ERG: variants seen among roughly 807,000 people sequenced by gnomAD.
ERG encodes the protein transcriptional regulator ERG.
A neutral mutation model predicts 55.3 loss-of-function variants in ERG; 9 were observed. The observed-to-expected ratio is 0.16, with a 90% CI of 0.10 to 0.28. ERG has a LOEUF of 0.28. ERG is among the 10% of genes least tolerant of loss of function. ERG has a pLI of 1.00. For missense variants in ERG, 434 were observed against 631.6 expected (o/e 0.69, Z 3.35); for synonymous variants, 223 against 237.3 (o/e 0.94, Z 0.55).
chr21:38,412,460 T>C (rs941847924), intron 3 of ERG, among the ~76,000 whole-genome samples: 1 of 152,170 alleles, frequency 6.6e-6, no homozygotes, highest in African/African-American at 2.4e-5. Context: ...TTCCCTCATA[T>C]TTTTACTCCA....
chr21:38,394,754 C>A (rs1988130579), intron 6 of ERG, among the ~76,000 whole-genome samples: 1 of 152,176 alleles, frequency 6.6e-6, no homozygotes, highest in Non-Finnish European at 1.5e-5. Flanking sequence ...TCTGTTCCTG[C>A]AGATGATTTC....
At chr21:38,524,441 A>G (rs1278779404) in intron 2 of ERG, among the ~76,000 whole-genome samples, 1 of 152,160 alleles carries the variant, frequency 6.6e-6, no homozygotes, top group African/African-American at 2.4e-5. Context: ...ATCTTTTCGG[A>G]CTATTAGTCA....
chr21:38,550,854 G>A (rs550116037), intron 2 of ERG, among the ~76,000 whole-genome samples: 168 of 152,264 alleles, frequency 1.1e-3, no homozygotes, highest in Non-Finnish European at 1.9e-3. Context: ...AAAACATAAG[G>A]CAGATAAATC....
At chr21:38,463,702 A>T (rs929148058) in intron 1 of ERG, among the ~76,000 whole-genome samples, 2 of 152,222 alleles carry the variant, frequency 1.3e-5, no homozygotes, top group East Asian at 1.9e-4. Context: ...AAGGAAAAGC[A>T]TAGAAGTGGG....
At chr21:38,554,200 A>G (rs2059843649) in intron 2 of ERG, among the ~76,000 whole-genome samples, 2 of 152,188 alleles carry the variant, frequency 1.3e-5, no homozygotes, top group African/African-American at 4.8e-5. Context: ...GTGAGGCTGC[A>G]GAGAAAAAGG....
At chr21:38,610,890 A>G (rs933840959) in intron 1 of ERG, among the ~76,000 whole-genome samples, 1 of 152,238 alleles carries the variant, frequency 6.6e-6, no homozygotes, top group African/African-American at 2.4e-5. Flanking sequence ...GGGGAGATTG[A>G]AAAAGAGGAA....
At chr21:38,411,667 A>G (rs1416490660) in intron 3 of ERG, among the ~76,000 whole-genome samples, 1 of 152,198 alleles carries the variant, frequency 6.6e-6, no homozygotes, top group Non-Finnish European at 1.5e-5. Flanking sequence ...GTGCATGGTC[A>G]GTTTTTATAA....
intron 1 of ERG, among the ~76,000 whole-genome samples, chr21:38,613,019 G>T (rs1568949730): frequency 6.6e-6 from 1 of 151,132 alleles, no homozygotes; most frequent in Non-Finnish European, 1.5e-5. Flanking sequence ...ATCTGTAGAT[G>T]TATATTACTA....
At chr21:38,371,093 T>G in the ERG span, among the ~76,000 whole-genome samples, 1 of 152,102 alleles carries the variant, frequency 6.6e-6, no homozygotes, top group Non-Finnish European at 1.5e-5. Flanking sequence ...TGTTTTTAAA[T>G]GAAGGTTTAT....
At chr21:38,619,982 G>T (rs958945891) in intron 1 of ERG, among the ~76,000 whole-genome samples, 2 of 152,188 alleles carry the variant, frequency 1.3e-5, no homozygotes, top group East Asian at 3.8e-4. Context: ...ATTCAGACTC[G>T]AAATGCTTTG....
chr21:38,596,832 G>A (rs372959483), intron 1 of ERG, among the ~76,000 whole-genome samples: 2 of 152,292 alleles, frequency 1.3e-5, no homozygotes, highest in South Asian at 2.1e-4. Context: ...TCCCAGGAGA[G>A]GTTCCCCACA....
the ERG span, among the ~76,000 whole-genome samples, chr21:38,369,189 C>A: frequency 1.3e-5 from 2 of 152,184 alleles, no homozygotes; most frequent in Admixed American, 6.5e-5. Context: ...GAGGAATCAC[C>A]ACCCTGTCTT....
intron 1 of ERG, among the ~76,000 whole-genome samples, chr21:38,478,091 G>C (rs2059205580): frequency 6.6e-6 from 1 of 152,202 alleles, no homozygotes; most frequent in Non-Finnish European, 1.5e-5. Context: ...ACGAGGCTGA[G>C]CCTATCTCAC....
chr21:38,574,123 A>G (rs908193329), intron 2 of ERG, among the ~76,000 whole-genome samples: 13 of 152,128 alleles, frequency 8.5e-5, no homozygotes, highest in Admixed American at 3.3e-4. Flanking sequence ...GTCCCTCACA[A>G]TCTGAACTAT....
intron 2 of ERG, among the ~76,000 whole-genome samples, chr21:38,570,648 G>A (rs1456532377): frequency 6.6e-6 from 1 of 152,190 alleles, no homozygotes; most frequent in Non-Finnish European, 1.5e-5. Flanking sequence ...CATATAAAAT[G>A]AGACCAAGGC....
chr21:38,411,135 T>A (rs538732669), intron 3 of ERG, among the ~76,000 whole-genome samples: 1 of 152,278 alleles, frequency 6.6e-6, no homozygotes, highest in South Asian at 2.1e-4. Context: ...GGCTTAAATT[T>A]GAGCAATGAT....
At chr21:38,415,944 T>C (rs1244122030) in intron 3 of ERG, among the ~76,000 whole-genome samples, 1 of 152,180 alleles carries the variant, frequency 6.6e-6, no homozygotes, top group Non-Finnish European at 1.5e-5. Flanking sequence ...TACAATCTAA[T>C]AGAACAGACA....
intron 1 of ERG, among the ~76,000 whole-genome samples, chr21:38,475,146 A>C (rs563396820): frequency 6.6e-6 from 1 of 152,352 alleles, no homozygotes; most frequent in East Asian, 1.9e-4. Flanking sequence ...CAAATGGCCT[A>C]GAACTGAAAC....
chr21:38,641,310 C>T (rs2060423512), intron 1 of ERG, among the ~76,000 whole-genome samples: 1 of 152,202 alleles, frequency 6.6e-6, no homozygotes, highest in African/African-American at 2.4e-5. Context: ...TTTGAGGACA[C>T]AGCAAGAAGA....
Sources: allele counts gnomAD v4.1 joint callset (sites outside exome capture counted in the v4.1 genomes callset), GRCh38; gene constraint gnomAD v4.1.1; transcripts MANE v1.5; gene names NCBI Gene and HGNC (gene_info 2026-07-23, HGNC 2026-07-21).